The following COL10A1 variants were observed in gnomAD, a reference collection of about 807,000 sequenced individuals.
The protein encoded by COL10A1 is collagen type X alpha 1 chain, also known as collagen alpha-1(X) chain.
COL10A1 carries 10 observed loss-of-function variants against 18.2 expected under a neutral mutation model. The ratio of observed to expected loss-of-function variants is 0.55; its 90% CI spans 0.34 to 0.93. The LOEUF is 0.93. Among genes scored for constraint, COL10A1 ranks in the 40% least tolerant of loss-of-function variants. The probability of loss-of-function intolerance (pLI) is 0.02; values close to 1 mark genes in which losing one functional copy is unlikely to be tolerated. For synonymous variants in COL10A1, 330 were observed against 316.6 expected (o/e 1.04, Z -0.45); for missense variants, 897 against 853.5 (o/e 1.05, Z -0.64).
the COL10A1 span, among the ~76,000 whole-genome samples, chr6:116,182,253 G>GTC: frequency 6.7e-6 from 1 of 149,250 alleles, no homozygotes. Context: ...GTGTGTGTGT[G>GTC]TATCACATTT....
intron 1 of COL10A1, among the ~76,000 whole-genome samples, chr6:116,147,472 G>C (rs1779927099): frequency 6.6e-6 from 1 of 151,722 alleles, no homozygotes; most frequent in African/African-American, 2.4e-5. Context: ...AAAGATAAAT[G>C]ACAAACTGGG....
chr6:116,214,167 A>G, the COL10A1 span, among the ~76,000 whole-genome samples: 1 of 152,130 alleles, frequency 6.6e-6, no homozygotes, highest in African/African-American at 2.4e-5. Flanking sequence ...ATTTGACTCC[A>G]AAGTGTGTGC....
chr6:116,214,704 T>A, the COL10A1 span, among the ~76,000 whole-genome samples: 2 of 152,062 alleles, frequency 1.3e-5, no homozygotes, highest in Non-Finnish European at 2.9e-5. Context: ...TTTTGAAATA[T>A]CATATTCAAA....
chr6:116,206,170 C>T, the COL10A1 span, among the ~76,000 whole-genome samples: 1 of 151,896 alleles, frequency 6.6e-6, no homozygotes, highest in African/African-American at 2.4e-5. Flanking sequence ...CATTTTGGGC[C>T]CATGCAGGGC....
At chr6:116,130,143 A>T (rs1253982964), upstream of COL10A1, among the ~76,000 whole-genome samples, 1 of 152,128 alleles carries the variant, frequency 6.6e-6, no homozygotes, top group African/African-American at 2.4e-5. Flanking sequence ...GATATTCTCT[A>T]TAAAGAAAAA....
At chr6:116,213,730 A>G in the COL10A1 span, among the ~76,000 whole-genome samples, 1 of 152,030 alleles carries the variant, frequency 6.6e-6, no homozygotes, top group Non-Finnish European at 1.5e-5. Context: ...CTAAAAACTA[A>G]TGCTACTTTG....
chr6:116,154,169 A>T (rs1427333690), intron 1 of COL10A1, among the ~76,000 whole-genome samples: 1 of 151,928 alleles, frequency 6.6e-6, no homozygotes, highest in Admixed American at 6.6e-5. Context: ...ATAAGAGTCT[A>T]TTGATTTTAC....
At chr6:116,138,964 G>A (rs547018896) in intron 1 of COL10A1, among the ~76,000 whole-genome samples, 7 of 151,964 alleles carry the variant, frequency 4.6e-5, no homozygotes, top group Non-Finnish European at 8.8e-5. Flanking sequence ...GTGACCAGTA[G>A]GATTTGTATA....
At chr6:116,134,621 C>T (rs920041529) in intron 1 of COL10A1, among the ~76,000 whole-genome samples, 1 of 152,128 alleles carries the variant, frequency 6.6e-6, no homozygotes, top group Non-Finnish European at 1.5e-5. Flanking sequence ...TCGCATGGTG[C>T]TGGTTTGGAC....
At chr6:116,132,075 T>C (rs1417732525) in intron 1 of COL10A1, among the ~76,000 whole-genome samples, 1 of 152,210 alleles carries the variant, frequency 6.6e-6, no homozygotes, top group Non-Finnish European at 1.5e-5. Flanking sequence ...CAGTCTATCA[T>C]TGATGGGTAT....
the COL10A1 span, among the ~76,000 whole-genome samples, chr6:116,214,726 T>C: frequency 4.6e-5 from 7 of 152,060 alleles, no homozygotes; most frequent in African/African-American, 1.7e-4. Flanking sequence ...TGCAAAGACA[T>C]TTTAGAGGAG....
intron 1 of COL10A1, among the ~76,000 whole-genome samples, chr6:116,154,806 C>G (rs1780143018): frequency 6.6e-6 from 1 of 152,218 alleles, no homozygotes; most frequent in South Asian, 2.1e-4. Flanking sequence ...ATTAATAACT[C>G]TTAGCAGAGG....
At chr6:116,141,336 T>A (rs1440775567) in intron 1 of COL10A1, among the ~76,000 whole-genome samples, 2 of 152,094 alleles carry the variant, frequency 1.3e-5, no homozygotes, top group Non-Finnish European at 2.9e-5. Flanking sequence ...GTTAGTTATA[T>A]GTGTTGCAGA....
the COL10A1 span, among the ~76,000 whole-genome samples, chr6:116,213,391 T>C: frequency 6.6e-6 from 1 of 152,082 alleles, no homozygotes; most frequent in Admixed American, 6.6e-5. Context: ...CTCAGATTGG[T>C]TGCACATCTT....
At chr6:116,198,235 C>T in the COL10A1 span, among the ~76,000 whole-genome samples, 1 of 152,048 alleles carries the variant, frequency 6.6e-6, no homozygotes, top group African/African-American at 2.4e-5. Context: ...TGGTAAGGTT[C>T]ACCCATTCAT....
At chr6:116,182,614 G>T in the COL10A1 span, among the ~76,000 whole-genome samples, 1 of 151,792 alleles carries the variant, frequency 6.6e-6, no homozygotes, top group Non-Finnish European at 1.5e-5. Flanking sequence ...TATGGTTTTG[G>T]TTTGCATTTC....
intron 1 of COL10A1, among the ~76,000 whole-genome samples, chr6:116,158,244 T>C (rs1352694184): frequency 2.2e-5 from 2 of 91,572 alleles, no homozygotes; most frequent in Admixed American, 1.2e-4. Flanking sequence ...GGGAGTAGTT[T>C]AGTGTGCTAC....
At chr6:116,123,233 G>T (rs1393420975) in intron 2 of COL10A1, among the ~76,000 whole-genome samples, 2 of 152,124 alleles carry the variant, frequency 1.3e-5, no homozygotes, top group Non-Finnish European at 2.9e-5. Context: ...TGAGTGCATT[G>T]GGCGTCATCC....
chr6:116,178,462 C>T, the COL10A1 span, among the ~76,000 whole-genome samples: 1 of 152,094 alleles, frequency 6.6e-6, no homozygotes, highest in Non-Finnish European at 1.5e-5. Context: ...ATTGAGTGGT[C>T]AAAACCTGGA....
Sources: allele counts gnomAD v4.1 joint callset (sites outside exome capture counted in the v4.1 genomes callset), GRCh38; gene constraint gnomAD v4.1.1; transcripts MANE v1.5; gene names NCBI Gene and HGNC (gene_info 2026-07-23, HGNC 2026-07-21).